Variants in RHBDD1 observed in about 807,000 individuals in gnomAD.
RHBDD1 encodes the protein rhomboid-related protein 4.
A neutral mutation model predicts 36.3 loss-of-function variants in RHBDD1; 38 were observed. The ratio of observed to expected loss-of-function variants is 1.05; its 90% confidence interval spans 0.81 to 1.37. RHBDD1 has a LOEUF of 1.37. Among genes scored for constraint, RHBDD1 ranks in the 40% most tolerant of loss-of-function variants. The pLI is 0.00. For synonymous variants in RHBDD1, 151 were observed against 136.5 expected (o/e 1.11, Z -0.74); for missense variants, 393 against 377.6 (o/e 1.04, Z -0.34).
At chr2:226,842,918 T>A (rs1443371295) in intron 3 of RHBDD1, among the ~76,000 whole-genome samples, 1 of 152,208 alleles carries the variant, frequency 6.6e-6, no homozygotes, top group African/African-American at 2.4e-5. Context: ...GCATGGAATG[T>A]TTTTCCATTT....
the RHBDD1 span, among the ~76,000 whole-genome samples, chr2:226,810,517 A>G: frequency 7.1e-6 from 1 of 141,490 alleles, no homozygotes; most frequent in Non-Finnish European, 1.5e-5. Flanking sequence ...CTCCAGCCTG[A>G]GCAAAAGAGC....
chr2:226,803,476 T>C, the RHBDD1 span, among the ~76,000 whole-genome samples: 1 of 152,198 alleles, frequency 6.6e-6, no homozygotes, highest in East Asian at 1.9e-4. Context: ...CAATTATTTT[T>C]TCCCACTCAA....
intron 5 of RHBDD1, among the ~76,000 whole-genome samples, chr2:226,890,461 A>G (rs1946591177): frequency 6.6e-6 from 1 of 152,200 alleles, no homozygotes; most frequent in Non-Finnish European, 1.5e-5. Context: ...GTGTAGTAAC[A>G]TTCTTCTTGA....
At chr2:226,938,062 G>A (rs1950448287) in intron 8 of RHBDD1, among the ~76,000 whole-genome samples, 1 of 152,164 alleles carries the variant, frequency 6.6e-6, no homozygotes, top group Admixed American at 6.5e-5. Context: ...CCCACCAACA[G>A]TGTAAAAGCA....
chr2:226,967,222 T>C (rs936236572), intron 8 of RHBDD1, among the ~76,000 whole-genome samples: 1 of 152,166 alleles, frequency 6.6e-6, no homozygotes, highest in Non-Finnish European at 1.5e-5. Flanking sequence ...CTCCCAAGTG[T>C]ACCCTCCATA....
intron 2 of RHBDD1, among the ~76,000 whole-genome samples, chr2:226,838,864 A>G (rs766043780): frequency 2.0e-5 from 3 of 152,162 alleles, no homozygotes; most frequent in Non-Finnish European, 4.4e-5. Context: ...ACTTGTAGAA[A>G]TTGTTTTGGA....
At chr2:226,911,332 A>G (rs904395269) in intron 7 of RHBDD1, among the ~76,000 whole-genome samples, 4 of 152,112 alleles carry the variant, frequency 2.6e-5, no homozygotes, top group South Asian at 2.1e-4. Flanking sequence ...GAAATTACCC[A>G]ATATACTTTT....
chr2:226,875,826 T>C (rs1475718419), intron 5 of RHBDD1, among the ~76,000 whole-genome samples: 4 of 152,210 alleles, frequency 2.6e-5, no homozygotes, highest in Non-Finnish European at 5.9e-5. Flanking sequence ...TGACCACTAG[T>C]TCCTTGAGAT....
At chr2:226,851,203 G>A (rs1264520072) in intron 3 of RHBDD1, among the ~76,000 whole-genome samples, 3 of 151,984 alleles carry the variant, frequency 2.0e-5, no homozygotes, top group Non-Finnish European at 2.9e-5. Flanking sequence ...AAGGAGAGTT[G>A]ATAAATTCCT....
At chr2:226,863,038 C>T (rs530021367) in intron 3 of RHBDD1, among the ~76,000 whole-genome samples, 120 of 152,298 alleles carry the variant, frequency 7.9e-4, no homozygotes, top group African/African-American at 2.8e-3. Flanking sequence ...GCTCTACTTC[C>T]AATACTGGGG....
At chr2:226,885,816 T>C (rs1253115280) in intron 5 of RHBDD1, among the ~76,000 whole-genome samples, 1 of 152,172 alleles carries the variant, frequency 6.6e-6, no homozygotes, top group African/African-American at 2.4e-5. Context: ...TGTTGAAGAC[T>C]CCCAGTGGAT....
intron 3 of RHBDD1, among the ~76,000 whole-genome samples, chr2:226,843,211 C>T (rs1941861272): frequency 1.3e-5 from 2 of 152,202 alleles, no homozygotes; most frequent in African/African-American, 2.4e-5. Context: ...ATCATGTCAT[C>T]TGCAAACAGA....
intron 5 of RHBDD1, among the ~76,000 whole-genome samples, chr2:226,881,513 T>G (rs1033953657): frequency 7.9e-5 from 12 of 152,232 alleles, no homozygotes; most frequent in Non-Finnish European, 1.3e-4. Flanking sequence ...TTTTACTACC[T>G]CATCATTCAG....
chr2:226,879,467 A>T (rs559355284), intron 5 of RHBDD1, among the ~76,000 whole-genome samples: 1 of 152,206 alleles, frequency 6.6e-6, no homozygotes, highest in Non-Finnish European at 1.5e-5. Context: ...AGTTGTCTGT[A>T]TATGGAAATG....
At chr2:226,864,401 A>G (rs1944138063) in intron 3 of RHBDD1, among the ~76,000 whole-genome samples, 1 of 152,170 alleles carries the variant, frequency 6.6e-6, no homozygotes, top group African/African-American at 2.4e-5. Context: ...GGGATTTGGG[A>G]TAACATTTCT....
chr2:226,907,106 C>G (rs1948119745), intron 6 of RHBDD1: 1 of 600,998 alleles, frequency 1.7e-6, no homozygotes, highest in Non-Finnish European at 3.0e-6. Flanking sequence ...TCTTAGGGGA[C>G]AAATATCAGT....
At chr2:226,971,973 A>T (rs1953606849) in intron 8 of RHBDD1, among the ~76,000 whole-genome samples, 1 of 151,308 alleles carries the variant, frequency 6.6e-6, no homozygotes, top group South Asian at 2.1e-4. Flanking sequence ...TAGGTTTGTT[A>T]CATAGGTCAC....
At chr2:226,904,189 G>A (rs1323571336) in intron 5 of RHBDD1, among the ~76,000 whole-genome samples, 1 of 152,190 alleles carries the variant, frequency 6.6e-6, no homozygotes, top group Non-Finnish European at 1.5e-5. Context: ...TAACCCTTAA[G>A]CTGCCTGTGG....
intron 3 of RHBDD1, among the ~76,000 whole-genome samples, chr2:226,853,084 C>A (rs962645610): frequency 1.3e-5 from 2 of 151,928 alleles, no homozygotes; most frequent in African/African-American, 2.4e-5. Context: ...ATTTTCTTTT[C>A]TTATTATTAA....
Sources: allele counts gnomAD v4.1 joint callset (sites outside exome capture counted in the v4.1 genomes callset), GRCh38; gene constraint gnomAD v4.1.1; transcripts MANE v1.5; gene names NCBI Gene and HGNC (gene_info 2026-07-23, HGNC 2026-07-21).